The following CCDC171 variants were observed in gnomAD, a reference collection of about 807,000 sequenced individuals.
CCDC171 encodes the protein coiled-coil domain-containing protein 171.
Under a neutral mutation model 168.2 loss-of-function variants are expected in CCDC171, and 177 were observed. That is an observed-to-expected ratio of 1.05 (90% CI 0.93 to 1.19). CCDC171 has a LOEUF of 1.19. Ranked by LOEUF, CCDC171 falls within the 50% of genes most tolerant of loss-of-function variation. The pLI, the probability that CCDC171 is intolerant of heterozygous loss-of-function variation, is 0.00. For missense variants in CCDC171, 1,991 were observed against 1,539.0 expected, an observed-to-expected ratio of 1.29 and a Z score of -4.91; for synonymous variants, 687 against 540.8, an observed-to-expected ratio of 1.27 and a Z score of -3.75.
In CCDC171 at chr9:15,629,862, G is replaced by T. The variant is rs190897073; in HGVS notation, c.822+6449G>T. On this transcript the variant is annotated intron_variant, in intron 7 of 25. Coordinates refer to ENST00000380701, the MANE Select transcript of CCDC171 (RefSeq NM_173550.4). ...AACTCTACAAGCCAGAAGAGAGTGG[G>T]GGCCAATATTCAACATTCTTAAAGA... is the stretch of plus-strand genomic sequence containing the variant. 1.4e-3 allele frequency among the ~76,000 whole-genome samples: 212 copies of T among 152,256 alleles called. 1 individual carries two copies. The highest frequency in any genetic ancestry group is 4.4e-3 in the African/African-American group (181 of 41,546).
chr9:15,623,506 C>CACACACACACACAT (rs768133705), intron 7 of CCDC171, 93 bp downstream of exon 7: 54 of 656,250 alleles, frequency 8.2e-5, no homozygotes, highest in Admixed American at 3.5e-4. Flanking sequence ...CACACACACA[C>CACACACACACACAT]ATAAAACCCA....
chr9:15,858,847 T>G (rs1270736499), intron 23 of CCDC171, among the ~76,000 whole-genome samples: 1 of 152,104 alleles, frequency 6.6e-6, no homozygotes, highest in Non-Finnish European at 1.5e-5. Flanking sequence ...CAGTTTTACT[T>G]CTTCCTTTTC....
chr9:15,721,740 G>GTAT (rs777283371), intron 11 of CCDC171, 29 bp from the exon 12 acceptor site: 2 of 1,327,834 alleles, frequency 1.5e-6, no homozygotes, highest in Non-Finnish European at 2.1e-6. Context: ...GACTTTAAGG[G>GTAT]TATATTTTCA....
At chr9:15,769,525 G>C (rs1038399890) in intron 18 of CCDC171, among the ~76,000 whole-genome samples, 33 of 152,218 alleles carry the variant, frequency 2.2e-4, no homozygotes, top group Admixed American at 2.1e-3. Flanking sequence ...GATAGACCAT[G>C]ATAATATTAG....
At chr9:15,557,771 T>A (rs189148295) in intron 1 of CCDC171, among the ~76,000 whole-genome samples, 77 of 152,252 alleles carry the variant, frequency 5.1e-4, no homozygotes, top group Non-Finnish European at 8.7e-4. Context: ...GTTCCAACAC[T>A]ATGTTGAATA....
intron 10 of CCDC171, among the ~76,000 whole-genome samples, chr9:15,688,263 A>T (rs568923861): frequency 6.6e-6 from 1 of 152,282 alleles, no homozygotes; most frequent in South Asian, 2.1e-4. Flanking sequence ...CCAGGCCTAG[A>T]TAGGTTCACT....
At chr9:15,890,813 T>C (rs555754090) in intron 24 of CCDC171, among the ~76,000 whole-genome samples, 3 of 152,278 alleles carry the variant, frequency 2.0e-5, no homozygotes, top group South Asian at 4.1e-4. Context: ...TAGTTTAACA[T>C]ACTTCAATGA....
At chr9:15,793,631 G>C (rs1480271591) in intron 21 of CCDC171, among the ~76,000 whole-genome samples, 5 of 122,584 alleles carry the variant, frequency 4.1e-5, no homozygotes, top group Non-Finnish European at 7.9e-5. Context: ...CTCACTGCAA[G>C]CTCTACTCTC....
intron 6 of CCDC171, among the ~76,000 whole-genome samples, chr9:16,027,773 A>G (rs1833301920): frequency 6.6e-6 from 1 of 152,178 alleles, no homozygotes; most frequent in African/African-American, 2.4e-5. Context: ...GGCAGCCCTG[A>G]TTAATTAAAC....
At chr9:15,804,899 T>C (rs1394554534) in intron 21 of CCDC171, among the ~76,000 whole-genome samples, 1 of 152,152 alleles carries the variant, frequency 6.6e-6, no homozygotes, top group Non-Finnish European at 1.5e-5. Context: ...TTTTTTTGGT[T>C]GGTAGGCTAT....
intron 24 of CCDC171, among the ~76,000 whole-genome samples, chr9:15,877,312 C>T (rs1588960594): frequency 6.6e-6 from 1 of 152,002 alleles, no homozygotes; most frequent in East Asian, 1.9e-4. Flanking sequence ...TGCAGGGTGG[C>T]TGTTGTTATT....
chr9:16,060,550 T>G (rs1471824484), intron 1 of CCDC171: 1 of 152,256 alleles, frequency 6.6e-6, no homozygotes, highest in Non-Finnish European at 1.5e-5. Context: ...GTGGGTTCAT[T>G]CACTCTGTGG....
At chr9:15,789,141 A>G (rs1468781311) in intron 21 of CCDC171, among the ~76,000 whole-genome samples, 2 of 152,116 alleles carry the variant, frequency 1.3e-5, no homozygotes, top group East Asian at 1.9e-4. Context: ...TGAAAATCCA[A>G]AATCCAAAAT....
chr9:15,841,527 T>A (rs893067462), intron 21 of CCDC171, among the ~76,000 whole-genome samples: 15 of 152,004 alleles, frequency 9.9e-5, no homozygotes, highest in South Asian at 4.1e-4. Flanking sequence ...AGCTTCAGTT[T>A]ATAAATATGT....
chr9:15,755,460 T>G (rs2056048314), intron 18 of CCDC171, among the ~76,000 whole-genome samples: 1 of 152,138 alleles, frequency 6.6e-6, no homozygotes. Flanking sequence ...AAACATACAT[T>G]CATACAAACA....
intron 7 of CCDC171, among the ~76,000 whole-genome samples, chr9:15,630,577 G>A (rs1272334397): frequency 6.6e-6 from 1 of 152,092 alleles, no homozygotes; most frequent in Non-Finnish European, 1.5e-5. Flanking sequence ...AATAATAATG[G>A]GAGACTTTAA....
intron 11 of CCDC171, among the ~76,000 whole-genome samples, chr9:15,703,078 T>A (rs1320186302): frequency 2.6e-5 from 4 of 152,020 alleles, no homozygotes; most frequent in Non-Finnish European, 5.9e-5. Flanking sequence ...TAATTTTTTT[T>A]AATTTTTAGT....
At chr9:15,936,133 G>T (rs752390490) in intron 25 of CCDC171, among the ~76,000 whole-genome samples, 1 of 152,028 alleles carries the variant, frequency 6.6e-6, no homozygotes, top group Non-Finnish European at 1.5e-5. Flanking sequence ...TCCAGTGGAG[G>T]ACTATGCTTT....
At position 15,666,281 on chromosome 9, in the gene CCDC171, G is replaced by A. The variant is rs150500636; in HGVS notation, c.1034G>A (p.Arg345Gln). The A allele has an allele frequency of 1.2e-5, 19 of 1,613,262 alleles. No homozygotes were observed. The highest frequency in any genetic ancestry group is 2.2e-5 in the East Asian group (1 of 44,852). Reference protein sequence around the residue: ...EFKEVESAYEREKHNAQESFA... With the variant: ...EFKEVESAYEQEKHNAQESFA... ...AAAGAAGTTGAAAGTGCATATGAGC[G>A]AGAAAAGCATAATGCACAAGAGAGC... is the stretch of plus-strand genomic sequence containing the variant. Residue 345 changes from arginine to glutamine, a missense_variant, in exon 9 of 26, where the codon CGA becomes CAA. Transcript: ENST00000380701.
Sources: gnomAD v4.1 joint callset for allele counts (sites outside exome capture counted in the v4.1 genomes callset) on GRCh38, gnomAD v4.1.1 for gene constraint, MANE v1.5 for transcripts, NCBI Gene and HGNC (gene_info 2026-07-23, HGNC 2026-07-21) for gene names.